The following MAP3K7CL variants were observed in gnomAD, a reference collection of about 807,000 sequenced individuals.
MAP3K7CL encodes the protein MAP3K7 C-terminal like.
A neutral mutation model predicts 18.6 loss-of-function variants in MAP3K7CL; 16 were observed. The ratio of observed to expected loss-of-function variants is 0.86; its 90% CI spans 0.58 to 1.31. The LOEUF (loss-of-function observed/expected upper bound fraction) is 1.31, where lower values mean the gene tolerates loss of function less well. MAP3K7CL is among the 50% of genes most tolerant of loss of function. The pLI is 0.00. For missense variants in MAP3K7CL, 163 were observed against 174.4 expected, an observed-to-expected ratio of 0.93 and a Z score of 0.37; for synonymous variants, 65 against 66.8, an observed-to-expected ratio of 0.97 and a Z score of 0.13.
At chr21:29,098,406 A>G (rs1344405167) in intron 4 of MAP3K7CL, among the ~76,000 whole-genome samples, 1 of 151,908 alleles carries the variant, frequency 6.6e-6, no homozygotes, top group East Asian at 1.9e-4. Context: ...TCACCCCTCT[A>G]TTTCCATTCT....
At chr21:29,120,246 GTATTTGTATCTTTGTA>G (rs2086570029) in intron 4 of MAP3K7CL, among the ~76,000 whole-genome samples, 1 of 151,210 alleles carries the variant, frequency 6.6e-6, no homozygotes, top group Non-Finnish European at 1.5e-5. Context: ...GTATATTTGT[GTATTTGTATCTTTGTA>G]TATTTGTATC....
At chr21:29,080,721 G>A (rs2085822049) in intron 1 of MAP3K7CL, 2 of 151,980 alleles carry the variant, frequency 1.3e-5, no homozygotes, top group Admixed American at 6.6e-5. Context: ...GAGTCATTCT[G>A]TTACATCTGG....
intron 2 of MAP3K7CL, among the ~76,000 whole-genome samples, chr21:29,141,896 AT>A (rs929870725): frequency 2.6e-5 from 4 of 151,890 alleles, no homozygotes; most frequent in Admixed American, 6.6e-5. Flanking sequence ...CTAGCAATTA[AT>A]TTTTTTTGAT....
chr21:29,148,785 G>A (rs895243249), intron 2 of MAP3K7CL, among the ~76,000 whole-genome samples: 2 of 152,172 alleles, frequency 1.3e-5, no homozygotes, highest in Non-Finnish European at 2.9e-5. Flanking sequence ...AGAGCAGAAC[G>A]AATGCTTCTA....
intron 4 of MAP3K7CL, among the ~76,000 whole-genome samples, chr21:29,106,541 C>T (rs2086326358): frequency 6.6e-6 from 1 of 152,214 alleles, no homozygotes; most frequent in Non-Finnish European, 1.5e-5. Flanking sequence ...TCCCCATCCA[C>T]TTCTCTCAGT....
intron 2 of MAP3K7CL, among the ~76,000 whole-genome samples, chr21:29,141,303 A>G (rs1197289628): frequency 6.6e-6 from 1 of 152,132 alleles, no homozygotes; most frequent in Non-Finnish European, 1.5e-5. Context: ...TCATGAGGTC[A>G]GGAGATGGAG....
At chr21:29,165,507 C>G (rs905544788) in intron 4 of MAP3K7CL, among the ~76,000 whole-genome samples, 8 of 152,136 alleles carry the variant, frequency 5.3e-5, no homozygotes, top group Non-Finnish European at 1.0e-4. Flanking sequence ...CCCGAGTCCC[C>G]AAAGTCCATT....
At chr21:29,123,590 A>G (rs2086634816) in intron 4 of MAP3K7CL, among the ~76,000 whole-genome samples, 1 of 152,240 alleles carries the variant, frequency 6.6e-6, no homozygotes, top group Non-Finnish European at 1.5e-5. Flanking sequence ...TTGTAGATTT[A>G]TAAATATAAA....
chr21:29,128,454 C>T (rs953942471), upstream of MAP3K7CL, among the ~76,000 whole-genome samples: 8 of 152,092 alleles, frequency 5.3e-5, no homozygotes, highest in Non-Finnish European at 1.2e-4. Flanking sequence ...AGGCGCCCAC[C>T]ACCACGCCCG....
intron 4 of MAP3K7CL, among the ~76,000 whole-genome samples, chr21:29,112,370 T>C (rs2086433748): frequency 6.6e-6 from 1 of 152,138 alleles, no homozygotes; most frequent in Non-Finnish European, 1.5e-5. Context: ...TGAAATTAGA[T>C]GCACTCTTCA....
At chr21:29,168,065 C>A (rs1255061138) in intron 4 of MAP3K7CL, among the ~76,000 whole-genome samples, 1 of 152,100 alleles carries the variant, frequency 6.6e-6, no homozygotes, top group Non-Finnish European at 1.5e-5. Context: ...CAAAAGGATT[C>A]CACAGCAGGG....
intron 4 of MAP3K7CL, among the ~76,000 whole-genome samples, chr21:29,161,732 A>G (rs2087554047): frequency 6.6e-6 from 1 of 152,090 alleles, no homozygotes; most frequent in Non-Finnish European, 1.5e-5. Flanking sequence ...TTTTACAAAA[A>G]GCGAATGAAA....
At chr21:29,100,151 GAATGAAT>G (rs1351757478) in intron 4 of MAP3K7CL, among the ~76,000 whole-genome samples, 5 of 150,504 alleles carry the variant, frequency 3.3e-5, no homozygotes, top group Non-Finnish European at 7.4e-5. Context: ...GCGGCAGCCC[GAATGAAT>G]AGGAAGCTGT....
intron 4 of MAP3K7CL, among the ~76,000 whole-genome samples, chr21:29,120,129 C>A (rs2086567973): frequency 6.6e-6 from 1 of 150,894 alleles, no homozygotes; most frequent in Admixed American, 6.6e-5. Context: ...TTTATGAGAT[C>A]TTATTTTTTT....
At chr21:29,085,528 C>T (rs1259916160), upstream of MAP3K7CL, among the ~76,000 whole-genome samples, 1 of 110,336 alleles carries the variant, frequency 9.1e-6, no homozygotes. Flanking sequence ...GCCTGGGTGA[C>T]AGAGCCAGAC....
At chr21:29,137,838 G>A (rs1483073377) in intron 2 of MAP3K7CL, among the ~76,000 whole-genome samples, 3 of 152,148 alleles carry the variant, frequency 2.0e-5, no homozygotes, top group Non-Finnish European at 2.9e-5. Context: ...TTGATCAAAA[G>A]CGATGAAGTG....
chr21:29,087,055 G>A (rs1380267629), intron 1 of MAP3K7CL, among the ~76,000 whole-genome samples: 1 of 152,078 alleles, frequency 6.6e-6, no homozygotes, highest in Non-Finnish European at 1.5e-5. Context: ...TTTTCCACTT[G>A]CTCTGCCCCA....
chr21:29,126,119 T>C (rs2086676933), upstream of MAP3K7CL, among the ~76,000 whole-genome samples: 1 of 152,228 alleles, frequency 6.6e-6, no homozygotes, highest in Admixed American at 6.5e-5. Flanking sequence ...CCCAGAGGAC[T>C]CTGCATGTGC....
chr21:29,174,420 A>C (rs1168328897), intron 4 of MAP3K7CL, among the ~76,000 whole-genome samples: 1 of 152,182 alleles, frequency 6.6e-6, no homozygotes, highest in Non-Finnish European at 1.5e-5. Context: ...TTTCTAAATT[A>C]TTTTTACAAT....
Sources: gnomAD v4.1 joint callset for allele counts (sites outside exome capture counted in the v4.1 genomes callset) on GRCh38, gnomAD v4.1.1 for gene constraint, MANE v1.5 for transcripts, NCBI Gene and HGNC (gene_info 2026-07-23, HGNC 2026-07-21) for gene names.